The following TERB1 variants were observed in gnomAD, a reference collection of about 807,000 sequenced individuals.
TERB1 encodes telomere repeat binding bouquet formation protein 1.
In TERB1, 63 loss-of-function variants were observed where a neutral mutation model predicts 92.3. The ratio of observed to expected loss-of-function variants is 0.68; its 90% CI spans 0.56 to 0.84. The LOEUF (loss-of-function observed/expected upper bound fraction) is 0.84. TERB1 is among the 40% of genes least tolerant of loss of function. The pLI is 0.00. For missense variants in TERB1, 709 were observed against 843.7 expected (o/e 0.84, Z 1.98); for synonymous variants, 252 against 283.9 (o/e 0.89, Z 1.13).
chr16:66,790,347 A>AAGAG (rs149008634), intron 5 of TERB1, among the ~76,000 whole-genome samples: 2 of 145,984 alleles, frequency 1.4e-5, no homozygotes, highest in Admixed American at 1.4e-4. Context: ...AAAAGAAAGA[A>AAGAG]AGAGAGAGAG....
intron 16 of TERB1, among the ~76,000 whole-genome samples, chr16:66,761,988 G>T (rs2018259200): frequency 6.6e-6 from 1 of 152,122 alleles, no homozygotes; most frequent in Non-Finnish European, 1.5e-5. Context: ...GGGAGGCAGA[G>T]ACTGCAGTGA....
intron 10 of TERB1, among the ~76,000 whole-genome samples, chr16:66,777,688 C>G (rs2018570997): frequency 6.6e-6 from 1 of 152,186 alleles, no homozygotes; most frequent in South Asian, 2.1e-4. Flanking sequence ...TTACTCTCCC[C>G]TTACATACCT....
In TERB1 at chr16:66,768,142, T is replaced by C; in HGVS notation, c.1646A>G (p.His549Arg). 2.6e-6 allele frequency: 4 copies of C among 1,550,706 alleles called. No homozygotes were observed. Among genetic ancestry groups the C allele is most frequent in the Non-Finnish European group, 1.7e-6 (2 of 1,146,196 alleles). The change falls in exon 15 of 19, where the codon CAC becomes CGC. Residue 549 changes from histidine (H) to arginine (R), a missense_variant. His to Arg is a conservative substitution (Grantham distance 29). Transcript: ENST00000433154. ...CTGCTGCTTTATATTTTTGGCAATG[T>C]GAACTGGGTGTTTAAAAACATGGTC... Reference protein sequence around the residue: ...SSDHVFKHPVHIAKNIKQQLP... With the variant: ...SSDHVFKHPVRIAKNIKQQLP...
At chr16:66,757,028 A>G (rs2018149053) in intron 18 of TERB1, among the ~76,000 whole-genome samples, 1 of 152,236 alleles carries the variant, frequency 6.6e-6, no homozygotes, top group Admixed American at 6.5e-5. Flanking sequence ...ATGGGCTCAC[A>G]TTTGAGTATA....
At chr16:66,798,668 T>C (rs1173221734) in intron 2 of TERB1, among the ~76,000 whole-genome samples, 11 of 152,204 alleles carry the variant, frequency 7.2e-5, no homozygotes, top group African/African-American at 2.4e-5. Flanking sequence ...CCAAAGTAGA[T>C]AGAGGTAAAC....
intron 9 of TERB1, among the ~76,000 whole-genome samples, chr16:66,779,487 A>T (rs917296975): frequency 6.6e-6 from 1 of 152,088 alleles, no homozygotes; most frequent in Non-Finnish European, 1.5e-5. Flanking sequence ...AATCTCAGTT[A>T]CTCAGGTGGC....
upstream of TERB1, among the ~76,000 whole-genome samples, chr16:66,802,006 C>A (rs1461382478): frequency 6.6e-6 from 1 of 152,226 alleles, no homozygotes; most frequent in South Asian, 2.1e-4. Flanking sequence ...CACCAGGGGG[C>A]TTCCGGAGTT....
At chr16:66,765,731 T>C (rs1479739546) in intron 16 of TERB1, among the ~76,000 whole-genome samples, 1 of 151,714 alleles carries the variant, frequency 6.6e-6, no homozygotes, top group East Asian at 1.9e-4. Context: ...GTGCTAGGAT[T>C]ACAGACATGA....
At chr16:66,800,467 T>C (rs1352739225) in intron 2 of TERB1, among the ~76,000 whole-genome samples, 7 of 142,770 alleles carry the variant, frequency 4.9e-5, no homozygotes, top group Non-Finnish European at 9.1e-5. Context: ...CTTGGCTCAC[T>C]GCAACCTCCG....
intron 10 of TERB1, 99 bp from the exon 11 acceptor site, chr16:66,777,433 T>C (rs2018567402): frequency 3.1e-6 from 2 of 637,026 alleles, no homozygotes; most frequent in Non-Finnish European, 5.0e-6. Context: ...CAGAATGTTA[T>C]ATATCTATAT....
chr16:66,790,094 G>C (rs921431268), intron 5 of TERB1, among the ~76,000 whole-genome samples: 3 of 152,152 alleles, frequency 2.0e-5, no homozygotes, highest in Non-Finnish European at 2.9e-5. Flanking sequence ...CCTCATTTTA[G>C]ACACACTGCA....
At chr16:66,785,570 C>G (rs2018714922) in intron 9 of TERB1, among the ~76,000 whole-genome samples, 1 of 152,000 alleles carries the variant, frequency 6.6e-6, no homozygotes, top group Admixed American at 6.6e-5. Flanking sequence ...ATGAGAGTAT[C>G]TGGGGAGATT....
chr16:66,776,719 G>A (rs1237234588), intron 11 of TERB1, among the ~76,000 whole-genome samples: 2 of 151,514 alleles, frequency 1.3e-5, no homozygotes, highest in Non-Finnish European at 2.9e-5. Flanking sequence ...GAGAGGAGGA[G>A]GAAAATAAAA....
chr16:66,801,194 C>A, intron 1 of TERB1, 141 bp from the exon 2 acceptor site: 1 of 153,446 alleles, frequency 6.5e-6, no homozygotes, highest in Non-Finnish European at 1.4e-5. Context: ...GTGGGTCCCA[C>A]CCTCTCCACA....
intron 1 of TERB1, among the ~76,000 whole-genome samples, 184 bp from the exon 2 acceptor site, chr16:66,801,237 T>A (rs1332364706): frequency 6.6e-6 from 1 of 151,518 alleles, no homozygotes; most frequent in Non-Finnish European, 1.5e-5. Context: ...GCCTGGGGAG[T>A]CAGAAGTGAA....
intron 9 of TERB1, among the ~76,000 whole-genome samples, chr16:66,780,118 C>T (rs368041583): frequency 2.1e-4 from 32 of 152,320 alleles, no homozygotes; most frequent in South Asian, 1.9e-3. Context: ...CTGCCTGCCT[C>T]GGCCTCCCAA....
chr16:66,767,066 T>C (rs2018358082), intron 16 of TERB1, among the ~76,000 whole-genome samples: 2 of 152,032 alleles, frequency 1.3e-5, no homozygotes, highest in South Asian at 4.1e-4. Context: ...TGGTGGCTCA[T>C]GTCTGTAACA....
At chr16:66,761,245 A>G (rs577967674) in intron 16 of TERB1, among the ~76,000 whole-genome samples, 1 of 151,302 alleles carries the variant, frequency 6.6e-6, no homozygotes, top group African/African-American at 2.4e-5. Flanking sequence ...TGAGGTCAGG[A>G]GTTCAAGACC....
intron 9 of TERB1, among the ~76,000 whole-genome samples, chr16:66,784,161 G>T (rs1356473244): frequency 1.3e-5 from 2 of 152,114 alleles, no homozygotes; most frequent in Non-Finnish European, 2.9e-5. Context: ...TTTGTGATCA[G>T]TCTGGCTAGA....
Sources: allele counts gnomAD v4.1 joint callset (sites outside exome capture counted in the v4.1 genomes callset), GRCh38; gene constraint gnomAD v4.1.1; transcripts MANE v1.5; gene names NCBI Gene and HGNC (gene_info 2026-07-23, HGNC 2026-07-21).